Variants in IL1RAPL2 observed in about 807,000 individuals in gnomAD.
IL1RAPL2 encodes X-linked interleukin-1 receptor accessory protein-like 2.
A neutral mutation model predicts 44.1 loss-of-function variants in IL1RAPL2; 3 were observed. That is an observed-to-expected ratio of 0.07 (90% confidence interval 0.03 to 0.18). The LOEUF (loss-of-function observed/expected upper bound fraction) is 0.18. IL1RAPL2 is among the 10% of genes least tolerant of loss of function. The pLI, the probability that IL1RAPL2 is intolerant of heterozygous loss-of-function variation, is 1.00. For missense variants in IL1RAPL2, 391 were observed against 496.4 expected, an observed-to-expected ratio of 0.79 and a Z score of 2.02; for synonymous variants, 181 against 178.8, an observed-to-expected ratio of 1.01 and a Z score of -0.10.
At chrX:104,764,202 T>TG (rs1232586988) in intron 2 of IL1RAPL2, among the ~76,000 whole-genome samples, 7 of 111,215 alleles carry the variant, frequency 6.3e-5, no homozygotes, top group Non-Finnish European at 1.1e-4. Context: ...ACATGGAATT[T>TG]TTTTTCATTT....
chrX:105,389,335 T>C (rs903463732), intron 5 of IL1RAPL2, among the ~76,000 whole-genome samples: 1 of 112,180 alleles, frequency 8.9e-6, no homozygotes, highest in African/African-American at 3.2e-5. Flanking sequence ...ATTGGTCTCC[T>C]CACTCTCTTC....
At chrX:105,647,760 A>T (rs1439172826) in intron 6 of IL1RAPL2, among the ~76,000 whole-genome samples, 1 of 112,433 alleles carries the variant, frequency 8.9e-6, no homozygotes, top group Admixed American at 9.4e-5. Context: ...TCTCCTCAAT[A>T]GTCACAACAG....
In IL1RAPL2 at chrX:105,099,667, T is replaced by C. The variant is rs778874149; in HGVS notation, c.83-95808T>C. Among the ~76,000 whole-genome samples, 16 of 107,646 alleles carry C rather than the reference T, an allele frequency of 1.5e-4. No individual in the cohort carries two copies. The South Asian group carries it at 6.4e-3, about 43-fold the overall frequency. 93.5% of individuals were successfully genotyped at this position (107,646 alleles called of 115,157 possible). On this transcript the variant is annotated intron_variant, in intron 2 of 10. Coordinates refer to ENST00000372582, the MANE Select transcript of IL1RAPL2 (RefSeq NM_017416.2). ...ATTTTTAGTAGAGACGGGGTTTCAC[T>C]GTGTTAGGCAGGATGGTCTCGATCT...
chrX:105,467,501 A>T (rs1043772638), intron 5 of IL1RAPL2, among the ~76,000 whole-genome samples: 1 of 111,806 alleles, frequency 8.9e-6, no homozygotes, highest in Admixed American at 9.5e-5. Flanking sequence ...ATTCTACTAC[A>T]TATAACAGAA....
intron 5 of IL1RAPL2, among the ~76,000 whole-genome samples, chrX:105,333,224 G>A (rs1274063289): frequency 9.0e-6 from 1 of 111,191 alleles, no homozygotes. Flanking sequence ...CGCCTACAGT[G>A]AACTTATTTT....
In IL1RAPL2 at chrX:104,585,337, T is replaced by C. The variant is rs867735826; in HGVS notation, c.-20+18286T>C. 3.3e-4 allele frequency among the ~76,000 whole-genome samples: 4 copies of C among 11,941 alleles called. 1 individual carries two copies. Among genetic ancestry groups the C allele is most frequent in the Admixed American group, 1.5e-3 (1 of 665 alleles). 10.4% of individuals were successfully genotyped at this position (11,941 alleles called of 115,157 possible). A position where few individuals can be genotyped will look rare whatever the true frequency, so the allele number is the denominator to read the frequency against. On this transcript the variant is annotated intron_variant, in intron 1 of 10. Transcript: ENST00000372582. ...AATATATATTATATATAATATATATTATATATTATATATATTATATATATT... is the reference window on the plus strand; with the variant it reads ...AATATATATTATATATAATATATATCATATATTATATATATTATATATATT...
chrX:105,319,212 C>CT (rs1332725582), intron 5 of IL1RAPL2, among the ~76,000 whole-genome samples: 4 of 111,952 alleles, frequency 3.6e-5, no homozygotes, highest in Non-Finnish European at 7.5e-5. Flanking sequence ...TGACCCACAG[C>CT]TTATTCTGCT....
chrX:105,126,970 T>G (rs1370219106), intron 2 of IL1RAPL2, among the ~76,000 whole-genome samples: 1 of 111,182 alleles, frequency 9.0e-6, no homozygotes, highest in African/African-American at 3.3e-5. Context: ...CTTTGATATT[T>G]TGCCCAGAAA....
Position 104,858,684 on chromosome X carries a change from T to G in IL1RAPL2, c.82+199689T>G, listed in dbSNP as rs780205113. Among the ~76,000 whole-genome samples, 483 of 112,147 alleles carry G rather than the reference T, an allele frequency of 4.3e-3. 2 individuals carry two copies. The highest frequency in any genetic ancestry group is 0.015 in the African/African-American group (458 of 30,982). ...TTATCTGTTTGGTCTTGGTTTAGTATGAAACATGTCTCTGGTCTGAAATAA... is the reference window on the plus strand; with the variant it reads ...TTATCTGTTTGGTCTTGGTTTAGTAGGAAACATGTCTCTGGTCTGAAATAA... On this transcript the variant is annotated intron_variant, in intron 2 of 10. Transcript: ENST00000372582.
chrX:105,344,275 T>G (rs2035093814), intron 5 of IL1RAPL2, among the ~76,000 whole-genome samples: 1 of 111,963 alleles, frequency 8.9e-6, no homozygotes, highest in Non-Finnish European at 1.9e-5. Flanking sequence ...CAGAGTAAAG[T>G]GTAATGACTT....
At chrX:105,683,700 G>A (rs928081518) in intron 6 of IL1RAPL2, among the ~76,000 whole-genome samples, 1 of 111,842 alleles carries the variant, frequency 8.9e-6, no homozygotes, top group Admixed American at 9.5e-5. Flanking sequence ...GTAATTCTCT[G>A]AAACTATTAC....
At chrX:104,711,687 G>GAA (rs5903244) in intron 2 of IL1RAPL2, among the ~76,000 whole-genome samples, 137 of 102,782 alleles carry the variant, frequency 1.3e-3, no homozygotes, top group African/African-American at 4.3e-3. Flanking sequence ...TGGCTCATTG[G>GAA]AAAAAAAAAA....
At chrX:105,171,847 A>G (rs1261625046) in intron 2 of IL1RAPL2, among the ~76,000 whole-genome samples, 1 of 111,766 alleles carries the variant, frequency 8.9e-6, no homozygotes, top group Non-Finnish European at 1.9e-5. Context: ...AAGAGTGGAG[A>G]CTAGTGCTGG....
intron 6 of IL1RAPL2, among the ~76,000 whole-genome samples, chrX:105,500,961 T>C (rs1412445964): frequency 8.9e-6 from 1 of 111,897 alleles, no homozygotes; most frequent in Non-Finnish European, 1.9e-5. Flanking sequence ...GTCTCTACTA[T>C]ACCTTATGAA....
At chrX:105,617,995 G>T (rs1046798823) in intron 6 of IL1RAPL2, among the ~76,000 whole-genome samples, 2 of 110,505 alleles carry the variant, frequency 1.8e-5, no homozygotes, top group Admixed American at 9.8e-5. Context: ...TTATTAACCA[G>T]AGAAGTCTTT....
intron 2 of IL1RAPL2, among the ~76,000 whole-genome samples, chrX:104,752,459 C>T (rs2147584452): frequency 1.8e-5 from 2 of 110,849 alleles, no homozygotes; most frequent in South Asian, 7.7e-4. Flanking sequence ...GCCCCACTAT[C>T]CTTCTTTGAA....
intron 3 of IL1RAPL2, chrX:105,218,926 A>G: frequency 8.7e-7 from 1 of 1,147,458 alleles, no homozygotes; most frequent in South Asian, 1.9e-5. Context: ...TTCGCCATCG[A>G]GATATACATG....
At chrX:104,900,249 C>T (rs1269283271) in intron 2 of IL1RAPL2, among the ~76,000 whole-genome samples, 2 of 111,517 alleles carry the variant, frequency 1.8e-5, no homozygotes, top group Non-Finnish European at 3.8e-5. Flanking sequence ...GTATTTTGTA[C>T]ATATCAAAAG....
chrX:105,483,045 TAAAAA>T (rs5903267), intron 5 of IL1RAPL2, among the ~76,000 whole-genome samples: 1 of 97,166 alleles, frequency 1.0e-5, no homozygotes, highest in African/African-American at 3.7e-5. Flanking sequence ...GTCCTCTCAT[TAAAAA>T]AAAAAAAAAA....
Sources: allele counts gnomAD v4.1 joint callset (sites outside exome capture counted in the v4.1 genomes callset), GRCh38; gene constraint gnomAD v4.1.1; transcripts MANE v1.5; gene names NCBI Gene and HGNC (gene_info 2026-07-23, HGNC 2026-07-21).